HACD2: variants seen among roughly 807,000 people sequenced by gnomAD.
HACD2 encodes 3-hydroxyacyl-CoA dehydratase 2, also known as very-long-chain (3R)-3-hydroxyacyl-CoA dehydratase 2.
A neutral mutation model predicts 31.0 loss-of-function variants in HACD2; 15 were observed. The ratio of observed to expected loss-of-function variants is 0.48; its 90% CI spans 0.32 to 0.75. The LOEUF (loss-of-function observed/expected upper bound fraction) is 0.75, where lower values mean the gene tolerates loss of function less well. Ranked by LOEUF, HACD2 falls within the 30% of genes least tolerant of loss-of-function variation. The pLI is 0.03. For synonymous variants in HACD2, 115 were observed against 122.2 expected (o/e 0.94, Z 0.39); for missense variants, 283 against 313.0 (o/e 0.90, Z 0.72).
intron 2 of HACD2, among the ~76,000 whole-genome samples, chr3:123,573,753 C>T (rs1352117365): frequency 6.6e-6 from 1 of 152,168 alleles, no homozygotes; most frequent in Non-Finnish European, 1.5e-5. Flanking sequence ...CCTCAGACTC[C>T]AAACATGTTT....
intron 3 of HACD2, among the ~76,000 whole-genome samples, chr3:123,535,181 T>C: frequency 6.6e-6 from 1 of 152,200 alleles, no homozygotes; most frequent in East Asian, 1.9e-4. Flanking sequence ...TCATGGTAAG[T>C]GCCATTTTAA....
intron 3 of HACD2, among the ~76,000 whole-genome samples, chr3:123,552,542 T>C (rs1034671106): frequency 2.6e-5 from 4 of 152,158 alleles, no homozygotes; most frequent in African/African-American, 9.7e-5. Context: ...GCAAGTAGTT[T>C]ACAACTATAC....
Position 123,567,751 on chromosome 3 carries a change from TC to T in HACD2, c.292+10del. 1 of 1,465,966 alleles carries T rather than the reference TC, an allele frequency of 6.8e-7. No individual in the cohort carries two copies. The highest frequency in any genetic ancestry group is 9.1e-7 in the Non-Finnish European group (1 of 1,093,320). The allele number at this position is 1,465,966 out of a possible 1,614,324, so 90.8% of individuals were successfully genotyped here. ...TCACTGTACATAGTAGGGGGGAATA[TC>T]CATACTTACCTATAGCACAATGTAA... On this transcript the variant is annotated intron_variant, in intron 3 of 6. Coordinates refer to ENST00000383657, the MANE Select transcript of HACD2 (RefSeq NM_198402.5).
At chr3:123,561,853 CCAGGCTGGAGTG>C (rs1559929438) in intron 3 of HACD2, among the ~76,000 whole-genome samples, 1 of 152,052 alleles carries the variant, frequency 6.6e-6, no homozygotes, top group African/African-American at 2.4e-5. Flanking sequence ...ACTCTGTCGC[CCAGGCTGGAGTG>C]CAGAGGCACA....
At chr3:123,564,962 A>G (rs569754319) in intron 3 of HACD2, among the ~76,000 whole-genome samples, 20 of 152,110 alleles carry the variant, frequency 1.3e-4, no homozygotes, top group Middle Eastern at 3.4e-3. Flanking sequence ...AAACCTGCCA[A>G]CCCTCTGAGC....
intron 3 of HACD2, among the ~76,000 whole-genome samples, chr3:123,565,101 G>A (rs1323279373): frequency 6.6e-6 from 1 of 152,130 alleles, no homozygotes; most frequent in Non-Finnish European, 1.5e-5. Flanking sequence ...CTGCCCAACA[G>A]CACCTGGTAT....
chr3:123,538,065 G>A (rs1184141615), intron 3 of HACD2, among the ~76,000 whole-genome samples: 3 of 152,146 alleles, frequency 2.0e-5, no homozygotes, highest in African/African-American at 4.8e-5. Flanking sequence ...AACAGGAGCC[G>A]GAGCAGATTC....
At chr3:123,517,368 A>C (rs1418320256) in intron 4 of HACD2, among the ~76,000 whole-genome samples, 2 of 152,214 alleles carry the variant, frequency 1.3e-5, no homozygotes, top group East Asian at 1.9e-4. Flanking sequence ...ACCTCCAAAA[A>C]GCGTGTTACT....
intron 4 of HACD2, among the ~76,000 whole-genome samples, chr3:123,509,573 A>G (rs2107688041): frequency 6.8e-6 from 1 of 146,236 alleles, no homozygotes; most frequent in Non-Finnish European, 1.5e-5. Flanking sequence ...ATCTCAGCTC[A>G]CTGCAAGCTC....
chr3:123,541,600 T>G (rs1482609748), intron 3 of HACD2, among the ~76,000 whole-genome samples: 1 of 152,076 alleles, frequency 6.6e-6, no homozygotes, highest in Admixed American at 6.6e-5. Flanking sequence ...ACTAAGAAAA[T>G]GTTGGCTGTC....
At chr3:123,519,076 C>A (rs2107697517) in intron 4 of HACD2, among the ~76,000 whole-genome samples, 1 of 136,894 alleles carries the variant, frequency 7.3e-6, no homozygotes, top group East Asian at 2.2e-4. Flanking sequence ...TGCTAAAAAA[C>A]AAACCTTTAT....
At chr3:123,496,614 T>C (rs1190295922) in intron 6 of HACD2, among the ~76,000 whole-genome samples, 1 of 152,240 alleles carries the variant, frequency 6.6e-6, no homozygotes, top group East Asian at 1.9e-4. Context: ...GGCAGAGAAC[T>C]ATTTTGGCAC....
rs201899463 is a variant in HACD2, at chr3:123,572,713, GTTCAAT to G, written c.274-4939_274-4934del. On this transcript the variant is annotated intron_variant, in intron 2 of 6. Transcript: ENST00000383657. ...ATTTTTGTAGGTTACCAACAATTCT[GTTCAAT>G]TTCATTTTTAATCCAAGGTAAAACA... Among the ~76,000 whole-genome samples the G allele has an allele frequency of 0.022, 3,303 of 152,200 alleles. 217 individuals are homozygous for G. The East Asian group carries it at 0.25, about 11-fold the overall frequency.
intron 3 of HACD2, among the ~76,000 whole-genome samples, chr3:123,553,961 T>TTATTATTTTATATAATATA (rs2056646396): frequency 6.7e-6 from 1 of 149,234 alleles, no homozygotes; most frequent in Non-Finnish European, 1.5e-5. Context: ...ATAATATATA[T>TTATTATTTTATATAATATA]TATTATTTTA....
At chr3:123,581,240 C>A (rs1475990181) in intron 2 of HACD2, among the ~76,000 whole-genome samples, 3 of 152,194 alleles carry the variant, frequency 2.0e-5, no homozygotes, top group African/African-American at 4.8e-5. Flanking sequence ...ATCTTCCCTG[C>A]AATCTGAAGG....
At chr3:123,547,090 C>T (rs1357285005) in intron 3 of HACD2, among the ~76,000 whole-genome samples, 1 of 152,152 alleles carries the variant, frequency 6.6e-6, no homozygotes, top group Non-Finnish European at 1.5e-5. Flanking sequence ...AATGTGGCAA[C>T]TCAATGTCAG....
chr3:123,500,322 A>C (rs773676942), intron 6 of HACD2, among the ~76,000 whole-genome samples, 193 bp downstream of exon 6: 6 of 152,204 alleles, frequency 3.9e-5, no homozygotes, highest in Non-Finnish European at 8.8e-5. Flanking sequence ...CTGTATTGAG[A>C]AGGGTTCATC....
intron 4 of HACD2, among the ~76,000 whole-genome samples, chr3:123,507,849 A>G (rs1229699754): frequency 6.6e-6 from 1 of 152,214 alleles, no homozygotes; most frequent in Non-Finnish European, 1.5e-5. Flanking sequence ...AAAACCATTT[A>G]ATTATACACT....
intron 4 of HACD2, among the ~76,000 whole-genome samples, chr3:123,514,688 G>A (rs1054233563): frequency 5.3e-5 from 8 of 152,170 alleles, no homozygotes; most frequent in African/African-American, 1.2e-4. Context: ...GTCTTAGACC[G>A]TAAACAAGCC....
Sources: gnomAD v4.1 joint callset for allele counts (sites outside exome capture counted in the v4.1 genomes callset) on GRCh38, gnomAD v4.1.1 for gene constraint, MANE v1.5 for transcripts, NCBI Gene and HGNC (gene_info 2026-07-23, HGNC 2026-07-21) for gene names.